DESI2: variants seen among roughly 807,000 people sequenced by gnomAD.
DESI2 encodes the protein desumoylating isopeptidase 2.
DESI2 carries 10 observed loss-of-function variants against 24.1 expected under a neutral mutation model. The ratio of observed to expected loss-of-function variants is 0.41; its 90% CI spans 0.26 to 0.70. The LOEUF (loss-of-function observed/expected upper bound fraction) is 0.70, where lower values mean the gene tolerates loss of function less well. Ranked by LOEUF, DESI2 falls within the 30% of genes least tolerant of loss-of-function variation. DESI2 has a pLI of 0.29. For missense variants in DESI2, 122 were observed against 234.9 expected (o/e 0.52, Z 3.14); for synonymous variants, 71 against 87.7 (o/e 0.81, Z 1.06).
At chr1:244,691,816 T>TA (rs1295456330) in intron 3 of DESI2, 63 bp from the exon 4 acceptor site, 13 of 1,287,576 alleles carry the variant, frequency 1.0e-5, no homozygotes, top group Admixed American at 2.8e-5. Context: ...ATGCTTTTTA[T>TA]AAATATTTGA....
At chr1:244,664,077 C>T (rs1233639159) in intron 1 of DESI2, among the ~76,000 whole-genome samples, 2 of 146,592 alleles carry the variant, frequency 1.4e-5, no homozygotes, top group East Asian at 4.0e-4. Flanking sequence ...GGTGGTTACA[C>T]TAAAAGGAAA....
intron 1 of DESI2, among the ~76,000 whole-genome samples, chr1:244,666,821 G>A (rs1676062885): frequency 6.6e-6 from 1 of 152,102 alleles, no homozygotes; most frequent in African/African-American, 2.4e-5. Flanking sequence ...AGTTCCATGT[G>A]GCTCGGGAGG....
intron 1 of DESI2, among the ~76,000 whole-genome samples, chr1:244,669,476 C>T (rs1401666903): frequency 2.6e-5 from 4 of 151,896 alleles, no homozygotes; most frequent in Non-Finnish European, 4.4e-5. Context: ...GTCAGGAGTT[C>T]GAGACTAGCC....
intron 4 of DESI2, among the ~76,000 whole-genome samples, chr1:244,702,109 A>C (rs756726925): frequency 9.9e-5 from 15 of 152,270 alleles, no homozygotes; most frequent in Non-Finnish European, 1.6e-4. Flanking sequence ...ACACACAGGC[A>C]TGTAACTAAG....
Position 244,708,644 on chromosome 1 carries a change from C to G in DESI2, c.*2855C>G, listed in dbSNP as rs892205513. ...TTCTAATCTGTGTGTCTCCTTATGA[C>G]TCCATTTCTGTAAGCTACTCTGTAA... On this transcript the variant is annotated 3_prime_UTR_variant, in exon 5 of 5. Transcript: ENST00000302550. 6.6e-6 allele frequency: 1 copy of G among 152,622 alleles called. No individual in the cohort carries two copies. Among genetic ancestry groups the G allele is most frequent in the South Asian group, 2.1e-4 (1 of 4,826 alleles). The allele number at this position is 152,622 out of a possible 1,614,324, so 9.5% of individuals were successfully genotyped here. A position where few individuals can be genotyped will look rare whatever the true frequency, so the allele number is the denominator to read the frequency against.
rs535552829 is a variant in DESI2, at chr1:244,703,870, G to T, written c.352-1686G>T. On this transcript the variant is annotated intron_variant, in intron 4 of 4. Transcript: ENST00000302550. ...AGATGGGGTTTCACTGTGTTAGCCAGGATGGTCTCGATCTCCTGACCTCAT... is the reference window on the plus strand; with the variant it reads ...AGATGGGGTTTCACTGTGTTAGCCATGATGGTCTCGATCTCCTGACCTCAT... 3.3e-5 allele frequency among the ~76,000 whole-genome samples: 5 copies of T among 152,142 alleles called. No homozygotes were observed. The South Asian group carries it at 1.0e-3, about 32-fold the overall frequency.
At chr1:244,690,912 G>A (rs144311714) in intron 3 of DESI2, among the ~76,000 whole-genome samples, 24 of 152,252 alleles carry the variant, frequency 1.6e-4, no homozygotes, top group African/African-American at 5.3e-4. Context: ...ATTTTCGCAC[G>A]TAAGTGCTAT....
intron 1 of DESI2, among the ~76,000 whole-genome samples, chr1:244,679,307 GA>G (rs1173619800): frequency 2.6e-5 from 4 of 152,174 alleles, no homozygotes; most frequent in Non-Finnish European, 4.4e-5. Flanking sequence ...AAGAAACTTA[GA>G]AATGCATCTC....
chr1:244,665,058 T>C (rs1234317006), intron 1 of DESI2, among the ~76,000 whole-genome samples: 1 of 152,250 alleles, frequency 6.6e-6, no homozygotes, highest in East Asian at 1.9e-4. Context: ...GTCTGTGCTA[T>C]TCATTTCTGC....
At chr1:244,659,248 T>C (rs949697641) in intron 1 of DESI2, among the ~76,000 whole-genome samples, 1 of 152,168 alleles carries the variant, frequency 6.6e-6, no homozygotes, top group Non-Finnish European at 1.5e-5. Context: ...TTTCCATACA[T>C]ATGTACATTT....
intron 2 of DESI2, among the ~76,000 whole-genome samples, chr1:244,687,442 G>T (rs1262146251): frequency 6.6e-6 from 1 of 152,140 alleles, no homozygotes; most frequent in Admixed American, 6.5e-5. Flanking sequence ...GTATCATTTT[G>T]AATTATAAAC....
intron 4 of DESI2, among the ~76,000 whole-genome samples, chr1:244,701,228 CCCCCCCG>C (rs1677447874): frequency 1.2e-5 from 1 of 83,944 alleles, no homozygotes; most frequent in Admixed American, 1.0e-4. Context: ...CCCCCCCCCC[CCCCCCCG>C]CCCTTTTAAC....
chr1:244,683,558 A>ATG (rs1676704923), intron 1 of DESI2, among the ~76,000 whole-genome samples: 1 of 152,030 alleles, frequency 6.6e-6, no homozygotes, highest in Non-Finnish European at 1.5e-5. Context: ...TGATCCGCCC[A>ATG]CCTCAGCCTC....
rs1442754257 is a variant in DESI2, at chr1:244,707,095, T to G, written c.*1306T>G. The stretch of plus-strand genomic sequence containing the variant: ...TTTTCTGCCTTAAGAATGAATGTCC[T>G]TCATAAAATATTGGATGCAGTGTAA... On this transcript the variant is annotated 3_prime_UTR_variant, in exon 5 of 5. Transcript: ENST00000302550. 6.5e-6 allele frequency: 1 copy of G among 152,674 alleles called. No individual in the cohort carries two copies. Among genetic ancestry groups the G allele is most frequent in the Non-Finnish European group, 1.5e-5 (1 of 68,038 alleles). The allele number at this position is 152,674 out of a possible 1,614,324, so 9.5% of individuals were successfully genotyped here. A position where few individuals can be genotyped will look rare whatever the true frequency, so the allele number is the denominator to read the frequency against.
intron 3 of DESI2, among the ~76,000 whole-genome samples, chr1:244,691,255 A>G (rs1170900338): frequency 1.3e-5 from 2 of 152,138 alleles, no homozygotes; most frequent in Non-Finnish European, 1.5e-5. Flanking sequence ...TGCCCGACTA[A>G]TTTTTGTATT....
chr1:244,705,519 C>G (rs758759055), intron 4 of DESI2, 37 bp from the exon 5 acceptor site: 10 of 1,571,580 alleles, frequency 6.4e-6, no homozygotes, highest in Middle Eastern at 3.6e-4. Flanking sequence ...TAATCTTAAC[C>G]TCTCTTACCT....
chr1:244,703,952 C>G (rs1677590628), intron 4 of DESI2, among the ~76,000 whole-genome samples: 1 of 152,248 alleles, frequency 6.6e-6, no homozygotes, highest in African/African-American at 2.4e-5. Context: ...AGCCACCGCG[C>G]TGGGCCGAAA....
intron 4 of DESI2, among the ~76,000 whole-genome samples, chr1:244,698,922 A>G (rs1677325187): frequency 6.6e-6 from 1 of 152,178 alleles, no homozygotes; most frequent in African/African-American, 2.4e-5. Context: ...CAAAAGCTAC[A>G]TGTTGAGGGG....
At position 244,705,939 on chromosome 1, in the gene DESI2, C is replaced by CA. The variant is rs965982593; in HGVS notation, c.*162dup. On this transcript the variant is annotated 3_prime_UTR_variant, in exon 5 of 5. Transcript: ENST00000302550. The stretch of plus-strand genomic sequence containing the variant: ...TTCAGCTCAGGATTATATTTGTAAT[C>CA]AAAAAAAAAAAATCACTTGGCGCAG... 0.034 allele frequency: 15,952 copies of CA among 464,756 alleles called. 9 individuals are homozygous for CA. The highest frequency in any genetic ancestry group is 0.037 in the Non-Finnish European group (9,947 of 267,108). The allele number at this position is 464,756 out of a possible 1,614,324, so 28.8% of individuals were successfully genotyped here. A position where few individuals can be genotyped will look rare whatever the true frequency, so the allele number is the denominator to read the frequency against.
Sources: gnomAD v4.1 joint callset for allele counts (sites outside exome capture counted in the v4.1 genomes callset) on GRCh38, gnomAD v4.1.1 for gene constraint, MANE v1.5 for transcripts, NCBI Gene and HGNC (gene_info 2026-07-23, HGNC 2026-07-21) for gene names.